Variants in KIF17 observed in about 807,000 individuals in gnomAD.
The protein encoded by KIF17 is kinesin family member 17.
KIF17 carries 80 observed loss-of-function variants against 96.8 expected under a neutral mutation model. The ratio of observed to expected loss-of-function variants is 0.83; its 90% CI spans 0.69 to 1.00. The LOEUF is 1.00. KIF17 is among the 50% of genes least tolerant of loss of function. The pLI is 0.00. For synonymous variants in KIF17, 567 were observed against 587.5 expected, an observed-to-expected ratio of 0.97 and a Z score of 0.51; for missense variants, 1,280 against 1,372.9, an observed-to-expected ratio of 0.93 and a Z score of 1.07.
Position 20,709,768 on chromosome 1 carries a change from T to G in KIF17, c.541A>C (p.Ser181Arg), listed in dbSNP as rs777507035. The change falls in exon 4 of 15, where the codon AGC (serine) becomes CGC (arginine). Residue 181 changes from serine (S) to arginine (R), a missense_variant. Transcript: ENST00000400463. This position sits in a 1 kb window ranked among gnomAD's most constrained non-coding sequence, Gnocchi z 4.7. ...ATGATGTGCTCACACTGGGCCACGC[T>G]GTGCACCGTGTGCATGGACAGCCCC... The part of the protein sequence containing the change: ...VKGLSMHTVH[S>R]VAQCEHIMET... The G allele has an allele frequency of 3.7e-6, 6 of 1,613,976 alleles. No homozygotes were observed.
rs1280257873 is a variant in KIF17 at position 20,686,188 on chromosome 1, T to C, written c.1939-62A>G. ...GATTTGGGCCAGAACCATCCTTTACTCCCTCACCCCTGGCCTCACTTCAAC... is the reference window on the plus strand; with the variant it reads ...GATTTGGGCCAGAACCATCCTTTACCCCCTCACCCCTGGCCTCACTTCAAC... On this transcript the variant is annotated intron_variant, in intron 8 of 14. Transcript: ENST00000400463. The C allele has an allele frequency of 2.8e-6, 4 of 1,404,516 alleles. No homozygotes were observed. The African/African-American group carries it at 5.7e-5, about 20-fold the overall frequency. The allele number at this position is 1,404,516 out of a possible 1,614,324, so 87.0% of individuals were successfully genotyped here.
intron 11 of KIF17, among the ~76,000 whole-genome samples, chr1:20,677,749 G>A (rs1298479792): frequency 6.6e-6 from 1 of 152,170 alleles, no homozygotes; most frequent in African/African-American, 2.4e-5. Flanking sequence ...CCAGCTACTC[G>A]GGAGGCTGAG....
At position 20,664,673 on chromosome 1, in the gene KIF17, G is replaced by A. The variant is rs771261049; in HGVS notation, c.2998C>T (p.Arg1000Trp). The A allele has an allele frequency of 4.8e-5, 78 of 1,613,570 alleles. No individual in the cohort carries two copies. In the Middle Eastern group the frequency reaches 5.2e-4, roughly 11 times the overall value. Residue 1000 changes from arginine (R) to tryptophan (W), a missense_variant, in exon 15 of 15, where the codon CGG (arginine) becomes TGG (tryptophan). Arg to Trp is a moderately radical substitution (Grantham distance 101, BLOSUM62 -3). Transcript: ENST00000400463. ...TCGAGGGACTCGAGGCGGAAGGGCC[G>A]GGGCTGGGGCATTTCAGGGGCCTGG... is the stretch of plus-strand genomic sequence containing the variant. The part of the protein sequence containing the change: ...PTQAPEMPQP[R>W]PFRLESLDIP...
chr1:20,686,070 C>A lies in KIF17; in HGVS notation c.1995G>T (p.Ala665=). Residue 665 remains alanine (A), a synonymous_variant, in exon 9 of 15, where the codon GCG becomes GCT. Transcript: ENST00000400463. ...EPSDARPEAE[A]ADDFPPRPEV... ...CAGGCCTGGGCGGGAAGTCATCAGC[C>A]GCCTCGGCTTCGGGCCTGGCATCAC... 1 of 1,560,412 alleles carries A rather than the reference C, an allele frequency of 6.4e-7. No individual in the cohort carries two copies. Among genetic ancestry groups the A allele is most frequent in the Non-Finnish European group, 8.7e-7 (1 of 1,151,792 alleles).
chr1:20,714,318 C>T (rs2054538450), intron 2 of KIF17, among the ~76,000 whole-genome samples: 1 of 151,010 alleles, frequency 6.6e-6, no homozygotes, highest in African/African-American at 2.4e-5. Flanking sequence ...CAGAGCGAGA[C>T]TCCGTCTCAA....
At chr1:20,713,232 GTGATCT>G in intron 3 of KIF17, among the ~76,000 whole-genome samples, 1 of 150,810 alleles carries the variant, frequency 6.6e-6, no homozygotes, top group Non-Finnish European at 1.5e-5. Context: ...CTGACCTCAA[GTGATCT>G]GCCCACCTTG....
chr1:20,685,072 G>C lies in KIF17; in HGVS notation c.2020-52C>G. 1 of 1,446,170 alleles carries C rather than the reference G, an allele frequency of 6.9e-7. No homozygotes were observed. The highest frequency in any genetic ancestry group is 2.5e-5 in the East Asian group (1 of 40,496). The allele number at this position is 1,446,170 out of a possible 1,614,324, so 89.6% of individuals were successfully genotyped here. ...AGGTGGGAAGGCCGCCCCAACCCCC[G>C]CCGACAGCTCCCAGGTGGCTCAATC... On this transcript the variant is annotated intron_variant, in intron 9 of 14. Coordinates refer to ENST00000400463, the MANE Select transcript of KIF17 (RefSeq NM_001122819.3). The surrounding 1 kb of genome is among the most constrained non-coding windows in gnomAD (Gnocchi z 4.1).
At chr1:20,665,219 CTTTTTTT>C (rs59635021) in intron 14 of KIF17, among the ~76,000 whole-genome samples, 7,392 of 61,100 alleles carry the variant, frequency 0.12, 432 homozygotes, top group Middle Eastern at 0.18. Context: ...CAAATTTGCT[CTTTTTTT>C]TTTTTTTTTT....
chr1:20,685,404 C>T lies in KIF17; in HGVS notation c.2020-384G>A, dbSNP rs72980803. The T allele has an allele frequency of 0.047, 18,949 of 402,088 alleles. 944 individuals are homozygous for T. The highest frequency in any genetic ancestry group is 0.16 in the African/African-American group (7,884 of 48,512). 24.9% of individuals were successfully genotyped at this position (402,088 alleles called of 1,614,324 possible). A position where few individuals can be genotyped will look rare whatever the true frequency, so the allele number is the denominator to read the frequency against. ...GGCTCCCTGCCTCCACGGCCTCCCC[C>T]GCCACCGTGGCCTCCTTTTCCATTG... On this transcript the variant is annotated intron_variant, in intron 9 of 14. Transcript: ENST00000400463. This position sits in a 1 kb window ranked among gnomAD's most constrained non-coding sequence, Gnocchi z 4.1.
At chr1:20,683,117 A>G (rs1283173477) in intron 10 of KIF17, among the ~76,000 whole-genome samples, 1 of 152,130 alleles carries the variant, frequency 6.6e-6, no homozygotes, top group Non-Finnish European at 1.5e-5. Flanking sequence ...CAGGGCGGGA[A>G]TCTTCCTGTG....
chr1:20,691,563 C>G lies in KIF17; in HGVS notation c.1234-1228G>C, dbSNP rs560354783. 2.0e-5 allele frequency among the ~76,000 whole-genome samples: 3 copies of G among 151,774 alleles called. No individual in the cohort carries two copies. In the East Asian group the frequency reaches 5.9e-4, roughly 30 times the overall value. On this transcript the variant is annotated intron_variant, in intron 6 of 14. Coordinates refer to ENST00000400463, the MANE Select transcript of KIF17 (RefSeq NM_001122819.3). Reference sequence around the variant, plus strand: ...CCAACTCCCAGGTTCAAGCGATTCTCCTGCCTCAGCCTCCCAAGTAGCTGG... The same window carrying G: ...CCAACTCCCAGGTTCAAGCGATTCTGCTGCCTCAGCCTCCCAAGTAGCTGG...
chr1:20,716,788 A>G (rs528694187), intron 1 of KIF17, among the ~76,000 whole-genome samples: 4 of 152,318 alleles, frequency 2.6e-5, no homozygotes, highest in Non-Finnish European at 4.4e-5. Context: ...TATTCATTCG[A>G]CAGGGACTAT....
chr1:20,666,066 T>C (rs1006965786), intron 14 of KIF17, 148 bp downstream of exon 14: 7 of 735,608 alleles, frequency 9.5e-6, no homozygotes, highest in Non-Finnish European at 1.7e-5. Context: ...AAGAAGTTGG[T>C]GTTACCCCCC....
At chr1:20,703,181 G>GGAT (rs759931188) in intron 5 of KIF17, among the ~76,000 whole-genome samples, 12 of 120,702 alleles carry the variant, frequency 9.9e-5, no homozygotes. Context: ...ATGGATGAAT[G>GGAT]GATGGACGGA....
rs1277014171 is a variant in KIF17 at position 20,699,989 on chromosome 1, G to C, written c.1124-1501C>G. 6.6e-6 allele frequency among the ~76,000 whole-genome samples: 1 copy of C among 152,212 alleles called. No homozygotes were observed. Among genetic ancestry groups the C allele is most frequent in the African/African-American group, 2.4e-5 (1 of 41,466 alleles). On this transcript the variant is annotated intron_variant, in intron 5 of 14. Transcript: ENST00000400463. This position sits in a 1 kb window ranked among gnomAD's most constrained non-coding sequence, Gnocchi z 4.3. ...AGTGCACTGAGGGGAACCAGGGTTA[G>C]GCACGAGGAGACCCGTTGCGGGGGC... is the stretch of plus-strand genomic sequence containing the variant.
chr1:20,702,190 G>A (rs1343594747), intron 5 of KIF17, among the ~76,000 whole-genome samples: 1 of 152,208 alleles, frequency 6.6e-6, no homozygotes, highest in Non-Finnish European at 1.5e-5. Flanking sequence ...TGAAGAGACT[G>A]AGGTTCTCAG....
At chr1:20,666,719 C>G (rs1268882872) in intron 13 of KIF17, among the ~76,000 whole-genome samples, 1 of 152,212 alleles carries the variant, frequency 6.6e-6, no homozygotes, top group Non-Finnish European at 1.5e-5. Flanking sequence ...CGTTGCTATC[C>G]TCAGCTCACA....
intron 13 of KIF17, among the ~76,000 whole-genome samples, chr1:20,667,102 AC>A (rs2154534827): frequency 6.6e-6 from 1 of 152,286 alleles, no homozygotes; most frequent in African/African-American, 2.4e-5. Context: ...ATGGACTGGT[AC>A]CAGTCCCTGG....
chr1:20,691,026 C>A (rs1327170805), intron 6 of KIF17, among the ~76,000 whole-genome samples: 3 of 151,638 alleles, frequency 2.0e-5, no homozygotes, highest in Non-Finnish European at 4.4e-5. Flanking sequence ...GTAGGCCGGG[C>A]GTGGTGGCTC....
Sources: allele counts gnomAD v4.1 joint callset (sites outside exome capture counted in the v4.1 genomes callset), GRCh38; gene constraint gnomAD v4.1.1; non-coding constraint Gnocchi (gnomAD v3.1); transcripts MANE v1.5; gene names NCBI Gene and HGNC (gene_info 2026-07-23, HGNC 2026-07-21).